TSNARE1: variants seen among roughly 807,000 people sequenced by gnomAD.
TSNARE1 encodes the protein t-SNARE domain-containing protein 1.
A neutral mutation model predicts 62.0 loss-of-function variants in TSNARE1; 49 were observed. The ratio of observed to expected loss-of-function variants is 0.79; its 90% confidence interval spans 0.63 to 1.00. TSNARE1 has a LOEUF of 1.00. Among genes scored for constraint, TSNARE1 ranks in the 50% least tolerant of loss-of-function variants. The pLI is 0.00. For synonymous variants in TSNARE1, 328 were observed against 294.4 expected (o/e 1.11, Z -1.17); for missense variants, 755 against 700.1 (o/e 1.08, Z -0.88).
intron 13 of TSNARE1, among the ~76,000 whole-genome samples, chr8:142,219,956 G>A (rs1197583724): frequency 3.3e-5 from 5 of 152,208 alleles, no homozygotes; most frequent in African/African-American, 7.2e-5. Flanking sequence ...AGGAAGAGAC[G>A]GAGGGGAAAG....
intron 2 of TSNARE1, among the ~76,000 whole-genome samples, chr8:142,350,353 A>T (rs537208937): frequency 9.6e-4 from 146 of 152,370 alleles, no homozygotes; most frequent in Non-Finnish European, 1.8e-3. Flanking sequence ...TTGAACATTT[A>T]GATAAAACAG....
At chr8:142,361,005 T>C (rs1381479365) in intron 1 of TSNARE1, among the ~76,000 whole-genome samples, 1 of 151,998 alleles carries the variant, frequency 6.6e-6, no homozygotes, top group Non-Finnish European at 1.5e-5. Flanking sequence ...GGGAACAGCG[T>C]TCCCCGGGCC....
intron 2 of TSNARE1, among the ~76,000 whole-genome samples, chr8:142,348,834 G>A (rs541071259): frequency 1.3e-5 from 2 of 152,142 alleles, no homozygotes; most frequent in African/African-American, 2.4e-5. Flanking sequence ...AGTTATTTAT[G>A]AGTTGACGAC....
rs539932243 is a variant in TSNARE1, at chr8:142,346,599, G to A, written c.89-707C>T. ...CCAGAGTCACAGACACGCCGTGTGC[G>A]CCAGGCTGAGGCCTCCGAAGCCAGA... On this transcript the variant is annotated intron_variant, in intron 2 of 13. Coordinates refer to ENST00000524325, the MANE Select transcript of TSNARE1 (RefSeq NM_145003.5). Among the ~76,000 whole-genome samples the A allele has an allele frequency of 3.3e-5, 5 of 152,362 alleles. No homozygotes were observed. The South Asian group carries it at 6.2e-4, about 19-fold the overall frequency.
intron 1 of TSNARE1, among the ~76,000 whole-genome samples, chr8:142,382,876 G>A (rs768725793): frequency 2.6e-5 from 4 of 152,228 alleles, no homozygotes; most frequent in South Asian, 2.1e-4. Context: ...GAGTGGGCCC[G>A]GCCCTCGTCC....
intron 1 of TSNARE1, among the ~76,000 whole-genome samples, chr8:142,386,664 G>C (rs769145871): frequency 6.6e-5 from 10 of 152,298 alleles, no homozygotes; most frequent in Non-Finnish European, 1.3e-4. Context: ...GGTATGCCAA[G>C]CAGATACAAA....
intron 12 of TSNARE1, among the ~76,000 whole-genome samples, chr8:142,257,388 C>A (rs1221420140): frequency 2.6e-5 from 4 of 152,190 alleles, no homozygotes. Flanking sequence ...GGACAGCTGG[C>A]CGTGGACAGC....
At chr8:142,225,381 C>T (rs1272245006) in intron 13 of TSNARE1, among the ~76,000 whole-genome samples, 2 of 152,150 alleles carry the variant, frequency 1.3e-5, no homozygotes, top group Non-Finnish European at 2.9e-5. Context: ...GCAGTGCTCC[C>T]TGCCCCTGGC....
intron 13 of TSNARE1, among the ~76,000 whole-genome samples, chr8:142,218,513 C>T (rs911906839): frequency 1.4e-4 from 22 of 152,212 alleles, no homozygotes; most frequent in Admixed American, 6.5e-4. Context: ...TCAGACATGT[C>T]CCCCTCTCAT....
At chr8:142,279,100 C>G (rs1334868267) in intron 11 of TSNARE1, among the ~76,000 whole-genome samples, 1 of 152,166 alleles carries the variant, frequency 6.6e-6, no homozygotes, top group African/African-American at 2.4e-5. Flanking sequence ...GGGAAGCCCT[C>G]CTTCTTCCCA....
chr8:142,350,429 G>A (rs1015020973), intron 2 of TSNARE1, among the ~76,000 whole-genome samples: 13 of 152,284 alleles, frequency 8.5e-5, no homozygotes, highest in Admixed American at 5.2e-4. Context: ...CCTGAATAAC[G>A]TTTGACAACT....
chr8:142,361,166 G>A (rs578049105), intron 1 of TSNARE1, among the ~76,000 whole-genome samples: 45 of 152,360 alleles, frequency 3.0e-4, no homozygotes, highest in African/African-American at 9.4e-4. Flanking sequence ...TCGGGCACGC[G>A]TTCTCTGTAC....
intron 9 of TSNARE1, among the ~76,000 whole-genome samples, chr8:142,306,637 C>T (rs543136469): frequency 3.9e-5 from 6 of 152,212 alleles, no homozygotes; most frequent in Non-Finnish European, 7.3e-5. Flanking sequence ...CAGGGCTGCC[C>T]GGCCTGTGAG....
At chr8:142,336,142 G>T (rs1407479110) in intron 4 of TSNARE1, among the ~76,000 whole-genome samples, 2 of 152,034 alleles carry the variant, frequency 1.3e-5, no homozygotes, top group African/African-American at 4.8e-5. Flanking sequence ...TTGGCCAGCT[G>T]TGGTGATGTA....
chr8:142,381,914 C>T (rs1052969900), intron 1 of TSNARE1, among the ~76,000 whole-genome samples: 1 of 152,198 alleles, frequency 6.6e-6, no homozygotes, highest in African/African-American at 2.4e-5. Context: ...GTCACAGCCA[C>T]GGCTCATGCC....
chr8:142,345,290 G>A (rs1005593544), intron 3 of TSNARE1, among the ~76,000 whole-genome samples: 6 of 152,198 alleles, frequency 3.9e-5, no homozygotes, highest in African/African-American at 1.4e-4. Context: ...TGGGGGCCTG[G>A]TGTCCCAGAA....
At chr8:142,259,674 G>A (rs1027788002) in intron 12 of TSNARE1, among the ~76,000 whole-genome samples, 11 of 152,098 alleles carry the variant, frequency 7.2e-5, no homozygotes, top group African/African-American at 2.7e-4. Flanking sequence ...ACAGGCCCAC[G>A]TCCCCCACAA....
intron 4 of TSNARE1, among the ~76,000 whole-genome samples, chr8:142,343,514 T>G (rs1054468799): frequency 6.6e-6 from 1 of 150,720 alleles, no homozygotes; most frequent in African/African-American, 2.4e-5. Context: ...TGTGACTGGG[T>G]GATGGTGACG....
At chr8:142,365,621 CACACACACACACAGAGAG>C (rs1835487580) in intron 1 of TSNARE1, among the ~76,000 whole-genome samples, 2 of 149,116 alleles carry the variant, frequency 1.3e-5, no homozygotes, top group South Asian at 4.4e-4. Context: ...CACACACACA[CACACACACACACAGAGAG>C]AGAGAGGGGA....
Sources: allele counts gnomAD v4.1 joint callset (sites outside exome capture counted in the v4.1 genomes callset), GRCh38; gene constraint gnomAD v4.1.1; transcripts MANE v1.5; gene names NCBI Gene and HGNC (gene_info 2026-07-23, HGNC 2026-07-21).